CSMD1: variants seen among roughly 807,000 people sequenced by gnomAD.
CSMD1 encodes the protein CUB and Sushi multiple domains 1.
CSMD1 carries 213 observed loss-of-function variants against 417.5 expected under a neutral mutation model. That is an observed-to-expected ratio of 0.51 (90% CI 0.46 to 0.57). The LOEUF (loss-of-function observed/expected upper bound fraction) is 0.57, where lower values mean the gene tolerates loss of function less well. Among genes scored for constraint, CSMD1 ranks in the 20% least tolerant of loss-of-function variants. The probability of loss-of-function intolerance (pLI) is 0.00; values close to 1 mark genes in which losing one functional copy is unlikely to be tolerated. For missense variants in CSMD1, 6,923 were observed against 4,529.7 expected (o/e 1.53, Z -15.17); for synonymous variants, 2,862 against 1,736.8 (o/e 1.65, Z -16.11).
At chr8:3,711,821 TAAC>T (rs1221129132) in intron 6 of CSMD1, among the ~76,000 whole-genome samples, 4 of 152,066 alleles carry the variant, frequency 2.6e-5, no homozygotes, top group African/African-American at 4.8e-5. Flanking sequence ...GCACAATAAA[TAAC>T]AAATAAGAAA....
intron 5 of CSMD1, among the ~76,000 whole-genome samples, chr8:3,828,026 G>C (rs1283063657): frequency 1.3e-5 from 2 of 152,132 alleles, no homozygotes; most frequent in African/African-American, 2.4e-5. Flanking sequence ...ACAATTATAT[G>C]GATTTGTGTG....
At chr8:3,703,893 A>T (rs1263893577) in intron 7 of CSMD1, among the ~76,000 whole-genome samples, 2 of 152,050 alleles carry the variant, frequency 1.3e-5, no homozygotes, top group African/African-American at 4.8e-5. Flanking sequence ...CAATGGTGAA[A>T]CCCCATCTCT....
chr8:4,006,113 G>C (rs1005663431), intron 4 of CSMD1, among the ~76,000 whole-genome samples: 3 of 152,182 alleles, frequency 2.0e-5, no homozygotes, highest in Non-Finnish European at 4.4e-5. Flanking sequence ...CATGTCCGAG[G>C]AGACTTGATA....
At chr8:3,166,927 G>A (rs1008192867) in intron 37 of CSMD1, among the ~76,000 whole-genome samples, 4 of 152,178 alleles carry the variant, frequency 2.6e-5, no homozygotes, top group African/African-American at 9.7e-5. Context: ...TCAAATCACA[G>A]CATACATATG....
intron 3 of CSMD1, among the ~76,000 whole-genome samples, chr8:4,035,833 T>A (rs976570773): frequency 1.3e-5 from 2 of 152,138 alleles, no homozygotes. Context: ...GTACTCTAAG[T>A]GTACAGTGTT....
chr8:4,864,157 G>A (rs528623163), intron 1 of CSMD1, among the ~76,000 whole-genome samples: 1 of 151,862 alleles, frequency 6.6e-6, no homozygotes, highest in Admixed American at 6.6e-5. Context: ...CACTTCTGTG[G>A]ATTTTCCCGA....
chr8:3,746,756 C>T (rs918097260), intron 6 of CSMD1, among the ~76,000 whole-genome samples: 5 of 152,202 alleles, frequency 3.3e-5, no homozygotes, highest in African/African-American at 1.2e-4. Flanking sequence ...TACCCAGAAG[C>T]TGTTCAGAAT....
chr8:4,151,677 G>A (rs1796577340), intron 3 of CSMD1, among the ~76,000 whole-genome samples: 2 of 152,084 alleles, frequency 1.3e-5, no homozygotes, highest in African/African-American at 4.8e-5. Flanking sequence ...CATTATAGGT[G>A]AAAAAAATCC....
At chr8:3,579,177 T>A (rs1191443624) in intron 9 of CSMD1, among the ~76,000 whole-genome samples, 1 of 152,138 alleles carries the variant, frequency 6.6e-6, no homozygotes, top group East Asian at 1.9e-4. Context: ...ATTCACAGAA[T>A]GATAAATTGA....
chr8:4,380,333 G>C (rs917932662), intron 3 of CSMD1, among the ~76,000 whole-genome samples: 2 of 152,114 alleles, frequency 1.3e-5, no homozygotes, highest in Non-Finnish European at 2.9e-5. Flanking sequence ...TCCTTACATT[G>C]TCATGGGAAT....
At chr8:3,013,889 C>A (rs903409517) in intron 52 of CSMD1, among the ~76,000 whole-genome samples, 3 of 152,140 alleles carry the variant, frequency 2.0e-5, no homozygotes, top group East Asian at 3.9e-4. Context: ...GATTCCTGGG[C>A]GAACAGAGGA....
In CSMD1 at chr8:3,257,776, G is replaced by A. The variant is rs951807265; in HGVS notation, c.4153+26368C>T. On this transcript the variant is annotated intron_variant, in intron 26 of 69. Coordinates refer to ENST00000635120, the MANE Select transcript of CSMD1 (RefSeq NM_033225.6). ...GAGCTGAGAAGGGGGTGGATGATGA[G>A]GCTTCCAAGGGAGGTGTGAGGGCGA... Among the ~76,000 whole-genome samples the A allele has an allele frequency of 9.8e-5, 15 of 152,286 alleles. No individual in the cohort carries two copies. The South Asian group carries it at 2.1e-3, about 21-fold the overall frequency.
At chr8:4,913,525 C>G (rs957658070) in intron 1 of CSMD1, among the ~76,000 whole-genome samples, 1 of 152,156 alleles carries the variant, frequency 6.6e-6, no homozygotes, top group Non-Finnish European at 1.5e-5. Context: ...TAAACAGAAG[C>G]CCTGCCCTCA....
At chr8:3,167,094 G>A (rs1245801936) in intron 37 of CSMD1, among the ~76,000 whole-genome samples, 4 of 152,098 alleles carry the variant, frequency 2.6e-5, no homozygotes, top group Non-Finnish European at 5.9e-5. Flanking sequence ...AGAGCAGCCT[G>A]GTCAACATGG....
At chr8:3,204,921 C>A (rs112873771) in intron 31 of CSMD1, among the ~76,000 whole-genome samples, 4 of 152,188 alleles carry the variant, frequency 2.6e-5, no homozygotes, top group Middle Eastern at 3.4e-3. Flanking sequence ...AAGTGCAGAG[C>A]GACCAGGGAA....
intron 2 of CSMD1, among the ~76,000 whole-genome samples, chr8:4,446,646 T>C (rs1798807700): frequency 6.6e-6 from 1 of 152,118 alleles, no homozygotes; most frequent in Admixed American, 6.5e-5. Flanking sequence ...CTCTGCCTCC[T>C]AGATTTGAGC....
chr8:3,165,063 T>A (rs552790065), intron 37 of CSMD1, among the ~76,000 whole-genome samples: 1 of 151,994 alleles, frequency 6.6e-6, no homozygotes, highest in African/African-American at 2.4e-5. Context: ...AATACCATTT[T>A]GACCGGTGTT....
chr8:3,497,167 C>G (rs1479426663), intron 10 of CSMD1, among the ~76,000 whole-genome samples: 4 of 152,120 alleles, frequency 2.6e-5, no homozygotes, highest in African/African-American at 9.7e-5. Flanking sequence ...TCCATTTGGT[C>G]TACACTATAG....
chr8:4,306,761 G>T (rs1216445552), intron 3 of CSMD1, among the ~76,000 whole-genome samples: 1 of 152,000 alleles, frequency 6.6e-6, no homozygotes, highest in African/African-American at 2.4e-5. Flanking sequence ...GTAGTGTTCT[G>T]GTGCGAGTCC....
Sources: gnomAD v4.1 joint callset for allele counts (sites outside exome capture counted in the v4.1 genomes callset) on GRCh38, gnomAD v4.1.1 for gene constraint, MANE v1.5 for transcripts, NCBI Gene and HGNC (gene_info 2026-07-23, HGNC 2026-07-21) for gene names.